The following IP6K2 variants were observed in gnomAD, a reference collection of about 807,000 sequenced individuals.
The protein encoded by IP6K2 is ATP:1D-myo-inositol-hexakisphosphate phosphotransferase.
Under a neutral mutation model 43.3 loss-of-function variants are expected in IP6K2, and 9 were observed. That is an observed-to-expected ratio of 0.21 (90% CI 0.13 to 0.36). The LOEUF (loss-of-function observed/expected upper bound fraction) is 0.36, where lower values mean the gene tolerates loss of function less well. Among genes scored for constraint, IP6K2 ranks in the 10% least tolerant of loss-of-function variants. IP6K2 has a pLI of 1.00. For synonymous variants in IP6K2, 209 were observed against 202.4 expected (o/e 1.03, Z -0.28); for missense variants, 332 against 538.4 (o/e 0.62, Z 3.79).
chr3:48,694,845 C>T (rs1345368823), intron 2 of IP6K2: 3 of 1,537,024 alleles, frequency 2.0e-6, no homozygotes, highest in Non-Finnish European at 2.6e-6. Flanking sequence ...AACACAACTA[C>T]ACTTCTACCA....
chr3:48,694,169 G>A (rs111512037), intron 2 of IP6K2: 5 of 1,549,566 alleles, frequency 3.2e-6, no homozygotes, highest in Non-Finnish European at 4.4e-6. Context: ...CTTCCCTGTG[G>A]CCACAGGGGA....
intron 1 of IP6K2, among the ~76,000 whole-genome samples, chr3:48,705,727 G>T (rs912173981): frequency 9.9e-5 from 15 of 151,780 alleles, no homozygotes; most frequent in African/African-American, 3.6e-4. Flanking sequence ...GCTTGGCCAA[G>T]CGTGGTGGCT....
intron 2 of IP6K2, chr3:48,693,520 C>G: frequency 8.1e-7 from 1 of 1,234,506 alleles, no homozygotes; most frequent in Non-Finnish European, 1.0e-6. Context: ...AAACATTGCT[C>G]TTTATAGTTT....
Position 48,695,033 on chromosome 3 carries a change from C to T in IP6K2, c.202+57G>A. The T allele has an allele frequency of 6.2e-7, 1 of 1,614,068 alleles. No homozygotes were observed. The highest frequency in any genetic ancestry group is 1.3e-5 in the African/African-American group (1 of 75,044). On this transcript the variant is annotated intron_variant, in intron 2 of 5. Transcript: ENST00000328631. This position sits in a 1 kb window ranked among gnomAD's most constrained non-coding sequence, Gnocchi z 4.6. ...GATGGCTGCCAGGGCCTTCCATGGC[C>T]ACGATCTCTCACATCTCCTCGCCAG...
intron 1 of IP6K2, among the ~76,000 whole-genome samples, chr3:48,709,383 C>G (rs1444301720): frequency 6.6e-6 from 1 of 152,228 alleles, no homozygotes; most frequent in Non-Finnish European, 1.5e-5. Context: ...TTCAACATCT[C>G]GCTTAGACAA....
intron 1 of IP6K2, among the ~76,000 whole-genome samples, chr3:48,701,484 T>C (rs922658232): frequency 6.8e-5 from 9 of 132,308 alleles, no homozygotes; most frequent in African/African-American, 2.3e-4. Context: ...GGAGAATCAC[T>C]TGAACCCAGG....
At position 48,695,737 on chromosome 3, in the gene IP6K2, T is replaced by G. The variant is rs2078267012; in HGVS notation, c.-130-316A>C. On this transcript the variant is annotated intron_variant, in intron 1 of 5. Coordinates refer to ENST00000328631, the MANE Select transcript of IP6K2 (RefSeq NM_016291.4). This position sits in a 1 kb window ranked among gnomAD's most constrained non-coding sequence, Gnocchi z 4.6. Reference sequence around the variant, plus strand: ...GCCATGGTGAGGTGAAATCACAATTTCAAGCCTAATATTTGGATTAAATCT... The same window carrying G: ...GCCATGGTGAGGTGAAATCACAATTGCAAGCCTAATATTTGGATTAAATCT... The G allele has an allele frequency of 3.8e-6, 1 of 264,410 alleles. No homozygotes were observed. The allele number at this position is 264,410 out of a possible 1,614,324, so 16.4% of individuals were successfully genotyped here.
intron 1 of IP6K2, among the ~76,000 whole-genome samples, chr3:48,701,373 C>T (rs2079013116): frequency 6.6e-6 from 1 of 151,806 alleles, no homozygotes; most frequent in Non-Finnish European, 1.5e-5. Flanking sequence ...TCGAGGCCAG[C>T]CTGACCAACA....
At chr3:48,693,228 GC>G (rs746623149) in intron 2 of IP6K2, 49 bp from the exon 3 acceptor site, 4 of 1,453,878 alleles carry the variant, frequency 2.8e-6, no homozygotes, top group Non-Finnish European at 3.9e-6. Flanking sequence ...GCAGGAAGAA[GC>G]GTTGTAAGTA....
intron 1 of IP6K2, 155 bp downstream of exon 1, chr3:48,717,002 G>A (rs2081266153): frequency 6.5e-6 from 1 of 153,374 alleles, no homozygotes. Flanking sequence ...CGAATCCACA[G>A]GGACCCCGGG....
At chr3:48,715,523 G>A (rs1182705099) in intron 1 of IP6K2, 4 of 1,476,972 alleles carry the variant, frequency 2.7e-6, no homozygotes, top group Admixed American at 2.0e-5. Flanking sequence ...CTGTCACCTA[G>A]GAAGCTTTGA....
At chr3:48,703,016 C>T (rs1001566223) in intron 1 of IP6K2, among the ~76,000 whole-genome samples, 4 of 152,204 alleles carry the variant, frequency 2.6e-5, no homozygotes, top group Non-Finnish European at 5.9e-5. Flanking sequence ...GCCTGCTGCA[C>T]ACTTTACAAA....
intron 4 of IP6K2, among the ~76,000 whole-genome samples, chr3:48,690,373 C>T (rs542795855): frequency 4.4e-4 from 67 of 152,142 alleles, no homozygotes; most frequent in African/African-American, 1.5e-3. Context: ...TGGTGGCTCA[C>T]GCCTGTTATC....
Position 48,691,001 on chromosome 3 carries a change from G to T in IP6K2, c.604+306C>A, listed in dbSNP as rs1182302472. Among the ~76,000 whole-genome samples, 3 of 152,016 alleles carry T rather than the reference G, an allele frequency of 2.0e-5. No homozygotes were observed. The East Asian group carries it at 5.8e-4, about 29-fold the overall frequency. ...GTCTGAAAACAGGGAGCAGCTCCTT[G>T]CCCTCTTCCTCTAGGTTACCTAGGC... On this transcript the variant is annotated intron_variant, in intron 4 of 5. Transcript: ENST00000328631.
intron 1 of IP6K2, among the ~76,000 whole-genome samples, chr3:48,697,742 G>A (rs751160068): frequency 9.2e-5 from 14 of 151,962 alleles, no homozygotes; most frequent in East Asian, 1.9e-4. Flanking sequence ...GCAATGACAC[G>A]ATCATAGCTC....
At chr3:48,693,990 CAA>C (rs2106811798) in intron 2 of IP6K2, 1 of 1,360,454 alleles carries the variant, frequency 7.4e-7, no homozygotes, top group East Asian at 2.9e-5. Context: ...GAGCGCCTTA[CAA>C]ACGACTGGCT....
chr3:48,693,909 C>G (rs1462112301), intron 2 of IP6K2: 1 of 1,284,786 alleles, frequency 7.8e-7, no homozygotes, highest in Non-Finnish European at 9.8e-7. Flanking sequence ...GTCTCTAGAA[C>G]CTGCCATGAG....
chr3:48,707,744 T>A (rs2079983547), intron 1 of IP6K2, among the ~76,000 whole-genome samples: 1 of 152,224 alleles, frequency 6.6e-6, no homozygotes, highest in Non-Finnish European at 1.5e-5. Context: ...AGGCTCATTC[T>A]GGTTTTAATG....
intron 1 of IP6K2, among the ~76,000 whole-genome samples, chr3:48,707,566 C>T (rs1250732051): frequency 6.6e-6 from 1 of 152,196 alleles, no homozygotes; most frequent in Non-Finnish European, 1.5e-5. Context: ...TTCCAAGTAG[C>T]TGGGATTACA....
Sources: gnomAD v4.1 joint callset for allele counts (sites outside exome capture counted in the v4.1 genomes callset) on GRCh38, gnomAD v4.1.1 for gene constraint, Gnocchi (gnomAD v3.1) non-coding constraint, MANE v1.5 for transcripts, NCBI Gene and HGNC (gene_info 2026-07-23, HGNC 2026-07-21) for gene names.